Variants in ITGBL1 observed in about 807,000 individuals in gnomAD.
ITGBL1 encodes integrin beta-like protein 1.
Under a neutral mutation model 68.5 loss-of-function variants are expected in ITGBL1, and 51 were observed. The ratio of observed to expected loss-of-function variants is 0.74; its 90% CI spans 0.59 to 0.94. The LOEUF (loss-of-function observed/expected upper bound fraction) is 0.94, where lower values mean the gene tolerates loss of function less well. ITGBL1 is among the 40% of genes least tolerant of loss of function. ITGBL1 has a pLI of 0.00. For missense variants in ITGBL1, 649 were observed against 647.4 expected, an observed-to-expected ratio of 1.00 and a Z score of -0.03; for synonymous variants, 209 against 227.3, an observed-to-expected ratio of 0.92 and a Z score of 0.72.
At chr13:101,543,546 T>C (rs561435437) in intron 2 of ITGBL1, among the ~76,000 whole-genome samples, 3 of 152,290 alleles carry the variant, frequency 2.0e-5, no homozygotes, top group Admixed American at 6.5e-5. Context: ...TTGGGGTTGC[T>C]CTTCTTGAGG....
rs891869662 is a variant in ITGBL1 at position 101,541,265 on chromosome 13, G to C, written c.317-26434G>C. On this transcript the variant is annotated intron_variant, in intron 2 of 10. Coordinates refer to ENST00000376180, the MANE Select transcript of ITGBL1 (RefSeq NM_004791.3). ...TTTATTGAGAGTTTTTAGCATGAAG[G>C]GTTGTTGAATTTTGTCAAAGGCCTT... is the stretch of plus-strand genomic sequence containing the variant. Among the ~76,000 whole-genome samples, 16 of 147,656 alleles carry C rather than the reference G, an allele frequency of 1.1e-4. 1 individual carries two copies. The highest frequency in any genetic ancestry group is 9.7e-4 in the East Asian group (5 of 5,142).
intron 2 of ITGBL1, among the ~76,000 whole-genome samples, chr13:101,509,443 A>C (rs2049079948): frequency 6.6e-6 from 1 of 152,186 alleles, no homozygotes; most frequent in Admixed American, 6.5e-5. Flanking sequence ...TGAAAATCAC[A>C]TTCAAACATT....
intron 2 of ITGBL1, among the ~76,000 whole-genome samples, chr13:101,520,690 C>G (rs1022076043): frequency 6.6e-6 from 1 of 152,148 alleles, no homozygotes; most frequent in African/African-American, 2.4e-5. Flanking sequence ...CTCGCTGGAA[C>G]CAAGGGATTT....
chr13:101,476,246 T>G (rs9554788), intron 2 of ITGBL1, among the ~76,000 whole-genome samples: 41,856 of 151,990 alleles, frequency 0.28, 7,266 homozygotes, highest in East Asian at 0.81. Flanking sequence ...TGTTAGTTCA[T>G]TTTTGCAATC....
intron 7 of ITGBL1, among the ~76,000 whole-genome samples, chr13:101,602,621 C>T (rs2030453501): frequency 1.3e-5 from 2 of 151,816 alleles, no homozygotes; most frequent in African/African-American, 4.8e-5. Context: ...ACATACCACT[C>T]AGTATTTTGA....
At chr13:101,487,013 A>C (rs1417600534) in intron 2 of ITGBL1, among the ~76,000 whole-genome samples, 1 of 152,234 alleles carries the variant, frequency 6.6e-6, no homozygotes, top group Non-Finnish European at 1.5e-5. Context: ...AATAATAACA[A>C]AATTTTATAA....
chr13:101,454,528 C>G (rs1292436869), intron 2 of ITGBL1, among the ~76,000 whole-genome samples: 1 of 151,950 alleles, frequency 6.6e-6, no homozygotes, highest in Non-Finnish European at 1.5e-5. Context: ...TCACTTGCCT[C>G]TAAAGTTCCT....
At position 101,452,807 on chromosome 13, in the gene ITGBL1, T is replaced by G; in HGVS notation, c.-27T>G. On this transcript the variant is annotated 5_prime_UTR_variant, in exon 1 of 11. Transcript: ENST00000376180. ...GAACCCCACCTTGCAGAAGTGCAGC[T>G]CGCCCGGAGCAGCCCAGGAGCTCAG... The G allele has an allele frequency of 6.2e-7, 1 of 1,601,632 alleles. No homozygotes were observed. Among genetic ancestry groups the G allele is most frequent in the South Asian group, 1.1e-5 (1 of 90,828 alleles).
chr13:101,610,149 C>T (rs1304626336), intron 7 of ITGBL1, among the ~76,000 whole-genome samples: 1 of 152,002 alleles, frequency 6.6e-6, no homozygotes, highest in Non-Finnish European at 1.5e-5. Context: ...TATTAAAATA[C>T]TAAAATTATA....
intron 7 of ITGBL1, among the ~76,000 whole-genome samples, chr13:101,634,912 G>C (rs1481394105): frequency 1.3e-5 from 2 of 151,092 alleles, no homozygotes; most frequent in South Asian, 2.1e-4. Flanking sequence ...AACTAAAGAA[G>C]CATAGATATA....
At chr13:101,519,227 A>G (rs966101889) in intron 2 of ITGBL1, among the ~76,000 whole-genome samples, 10 of 152,154 alleles carry the variant, frequency 6.6e-5, no homozygotes, top group Non-Finnish European at 1.2e-4. Context: ...ATATGAGAAT[A>G]CTGCACTAAG....
chr13:101,666,026 T>C (rs547831426), intron 7 of ITGBL1, among the ~76,000 whole-genome samples: 1 of 152,228 alleles, frequency 6.6e-6, no homozygotes, highest in East Asian at 1.9e-4. Context: ...AAAACCCTTG[T>C]CTTTTGTTTT....
chr13:101,694,967 A>G (rs2033969477), intron 8 of ITGBL1, among the ~76,000 whole-genome samples: 1 of 152,178 alleles, frequency 6.6e-6, no homozygotes, highest in Non-Finnish European at 1.5e-5. Context: ...AGTGTCTACT[A>G]TTTGCCAGCA....
At chr13:101,653,580 T>C (rs1185882882) in intron 7 of ITGBL1, among the ~76,000 whole-genome samples, 1 of 152,182 alleles carries the variant, frequency 6.6e-6, no homozygotes, top group Non-Finnish European at 1.5e-5. Flanking sequence ...TTTTAATTAG[T>C]AAGAAGAGGG....
intron 2 of ITGBL1, among the ~76,000 whole-genome samples, chr13:101,502,395 A>G (rs1382035745): frequency 6.6e-6 from 1 of 152,174 alleles, no homozygotes; most frequent in Non-Finnish European, 1.5e-5. Context: ...AAAAGAGATC[A>G]TTATCTTGGT....
chr13:101,529,102 G>A (rs945446591), intron 2 of ITGBL1, among the ~76,000 whole-genome samples: 2 of 151,384 alleles, frequency 1.3e-5, no homozygotes, highest in Non-Finnish European at 2.9e-5. Flanking sequence ...AATATCAAAA[G>A]AACAAATAAA....
At chr13:101,456,887 C>G (rs1431936616) in intron 2 of ITGBL1, among the ~76,000 whole-genome samples, 2 of 152,030 alleles carry the variant, frequency 1.3e-5, no homozygotes, top group African/African-American at 4.8e-5. Flanking sequence ...TGCACTCTAG[C>G]CTAGGAAACA....
intron 2 of ITGBL1, among the ~76,000 whole-genome samples, chr13:101,473,405 G>A (rs1480809382): frequency 6.6e-6 from 1 of 152,182 alleles, no homozygotes; most frequent in Non-Finnish European, 1.5e-5. Context: ...GCCCTGTACA[G>A]TGGAAGACAA....
chr13:101,531,936 G>A (rs9557686), intron 2 of ITGBL1, among the ~76,000 whole-genome samples: 117,612 of 151,342 alleles, frequency 0.78, 45,685 homozygotes, highest in South Asian at 0.81. Context: ...GGGTTTCACC[G>A]TGTTAGCCAG....
Sources: gnomAD v4.1 joint callset for allele counts (sites outside exome capture counted in the v4.1 genomes callset) on GRCh38, gnomAD v4.1.1 for gene constraint, MANE v1.5 for transcripts, NCBI Gene and HGNC (gene_info 2026-07-23, HGNC 2026-07-21) for gene names.